Variants in IDH2 observed in about 807,000 individuals in gnomAD.
IDH2 encodes the protein isocitrate dehydrogenase (NADP(+)) 2, also known as isocitrate dehydrogenase [NADP], mitochondrial.
In IDH2, 18 loss-of-function variants were observed where a neutral mutation model predicts 50.5. The ratio of observed to expected loss-of-function variants is 0.36; its 90% confidence interval spans 0.25 to 0.53. IDH2 has a LOEUF of 0.53. Among genes scored for constraint, IDH2 ranks in the 20% least tolerant of loss-of-function variants. The pLI is 0.92. For synonymous variants in IDH2, 280 were observed against 239.8 expected (o/e 1.17, Z -1.55); for missense variants, 518 against 610.7 (o/e 0.85, Z 1.60).
chr15:90,101,818 G>A (rs1235885619), intron 1 of IDH2, among the ~76,000 whole-genome samples: 1 of 151,696 alleles, frequency 6.6e-6, no homozygotes. Context: ...GGAAGTGCAT[G>A]TCTCCCGCCT....
In IDH2 at chr15:90,098,497, A is replaced by G. The variant is rs1219777770; in HGVS notation, c.115+3779T>C. ...CAAGAAGGCAGGACAGCAACTTTGTATATTTTATGTATGTATGTATGTATG... is the reference window on the plus strand; with the variant it reads ...CAAGAAGGCAGGACAGCAACTTTGTGTATTTTATGTATGTATGTATGTATG... On this transcript the variant is annotated intron_variant, in intron 1 of 10. Transcript: ENST00000330062. This position sits in a 1 kb window ranked among gnomAD's most constrained non-coding sequence, Gnocchi z 5.1. 3.4e-5 allele frequency among the ~76,000 whole-genome samples: 2 copies of G among 58,250 alleles called. No homozygotes were observed. The highest frequency in any genetic ancestry group is 8.6e-5 in the African/African-American group (2 of 23,160). 38.2% of individuals were successfully genotyped at this position (58,250 alleles called of 152,430 possible). A position where few individuals can be genotyped will look rare whatever the true frequency, so the allele number is the denominator to read the frequency against.
Position 90,084,759 on chromosome 15 carries a change from TC to T in IDH2, c.1271+56del, listed in dbSNP as rs1900811529. The T allele has an allele frequency of 1.4e-6, 2 of 1,394,482 alleles. No individual in the cohort carries two copies. The highest frequency in any genetic ancestry group is 1.7e-5 in the Admixed American group (1 of 59,756). The allele number at this position is 1,394,482 out of a possible 1,614,324, so 86.4% of individuals were successfully genotyped here. A position where few individuals can be genotyped will look rare whatever the true frequency, so the allele number is the denominator to read the frequency against. On this transcript the variant is annotated intron_variant, in intron 10 of 10. Transcript: ENST00000330062. The surrounding 1 kb of genome is among the most constrained non-coding windows in gnomAD (Gnocchi z 5.0). ...CTCATGAGGGGGACTTTAGGAGGGG[TC>T]CCCTGGCTTCCTCCCACATGGCCCC... is the stretch of plus-strand genomic sequence containing the variant.
At chr15:90,102,194 G>A (rs937777314) in intron 1 of IDH2, 82 bp downstream of exon 1, 4 of 538,538 alleles carry the variant, frequency 7.4e-6, no homozygotes, top group Non-Finnish European at 1.1e-5. Context: ...CTGGCGGGAC[G>A]TGCTTCCCGG....
chr15:90,101,516 G>A (rs1901330329), intron 1 of IDH2, among the ~76,000 whole-genome samples: 1 of 152,090 alleles, frequency 6.6e-6, no homozygotes, highest in South Asian at 2.1e-4. Flanking sequence ...GGAACTAAGG[G>A]TACCCAGAAG....
Position 90,087,471 on chromosome 15 carries a change from AC to A in IDH2, c.782del (p.Arg261LeufsTer69). 6.2e-7 allele frequency: 1 copy of A among 1,614,108 alleles called. No homozygotes were observed. Among genetic ancestry groups the A allele is most frequent in the Non-Finnish European group, 8.5e-7 (1 of 1,180,032 alleles). On this transcript the variant is annotated frameshift_variant, in exon 6 of 11. Coordinates refer to ENST00000330062, the MANE Select transcript of IDH2 (RefSeq NM_002168.4). LOFTEE classifies it high-confidence loss of function. Reference protein sequence around the residue: ...KNTILKAYDGRFKDIFQEIFD... With the variant: ...KNTILKAYDGXFKDIFQEIFD... ...AGATCTCCTGGAAGATGTCCTTGAA[AC>A]GCCCATCGTAGGCTTTCAGTATGGT...
In IDH2 at chr15:90,099,126, C is replaced by T. The variant is rs539987380; in HGVS notation, c.115+3150G>A. Among the ~76,000 whole-genome samples, 3 of 152,312 alleles carry T rather than the reference C, an allele frequency of 2.0e-5. No homozygotes were observed. The East Asian group carries it at 5.8e-4, about 29-fold the overall frequency. On this transcript the variant is annotated intron_variant, in intron 1 of 10. Coordinates refer to ENST00000330062, the MANE Select transcript of IDH2 (RefSeq NM_002168.4). ...ATCCTCTCTTGCCAGGTCCCTGAAG[C>T]TAGAATGCTCCCGATAAGATGGAAA... is the stretch of plus-strand genomic sequence containing the variant.
Position 90,102,308 on chromosome 15 carries a change from G to T in IDH2, c.83C>A (p.Ala28Asp). The change falls in exon 1 of 11, where the codon GCC (alanine) becomes GAC (aspartate). Residue 28 changes from alanine to aspartate, a missense_variant. Physicochemically the swap from Ala to Asp is moderately radical, Grantham distance 126 (BLOSUM62 -2). Transcript: ENST00000330062. Reference protein sequence around the residue: ...RPAWAPAALTAPTSQEQPRRH... With the variant: ...RPAWAPAALTDPTSQEQPRRH... Reference sequence around the variant, plus strand: ...CCGCGGCTGCTCTTGCGAGGTGGGGGCTGTCAGGGCCGCCGGCGCCCAGGC... The same window carrying T: ...CCGCGGCTGCTCTTGCGAGGTGGGGTCTGTCAGGGCCGCCGGCGCCCAGGC... 2 of 1,354,726 alleles carry T rather than the reference G, an allele frequency of 1.5e-6. No homozygotes were observed. The allele number at this position is 1,354,726 out of a possible 1,614,324, so 83.9% of individuals were successfully genotyped here.
At chr15:90,093,605 A>ATTTATTT (rs1555461852) in intron 1 of IDH2, among the ~76,000 whole-genome samples, 2 of 129,158 alleles carry the variant, frequency 1.5e-5, no homozygotes, top group Non-Finnish European at 1.8e-5. Context: ...TTATTTAATT[A>ATTTATTT]ATTAATTTAT....
chr15:90,096,623 AAAG>A (rs1372809840), intron 1 of IDH2, among the ~76,000 whole-genome samples: 3 of 152,162 alleles, frequency 2.0e-5, no homozygotes, highest in Non-Finnish European at 4.4e-5. Flanking sequence ...GCTAAAAGGA[AAAG>A]AATTACTGCC....
At chr15:90,093,966 C>G (rs1901116491) in intron 1 of IDH2, among the ~76,000 whole-genome samples, 1 of 152,166 alleles carries the variant, frequency 6.6e-6, no homozygotes, top group Non-Finnish European at 1.5e-5. Flanking sequence ...GAGAGGTTAA[C>G]AGCTTACTGC....
rs1901363840 is a variant in IDH2, at chr15:90,102,444, C to T, written c.-54G>A. The T allele has an allele frequency of 1.9e-6, 2 of 1,036,088 alleles. No homozygotes were observed. The highest frequency in any genetic ancestry group is 1.7e-5 in the African/African-American group (1 of 59,794). 64.2% of individuals were successfully genotyped at this position (1,036,088 alleles called of 1,614,324 possible). On this transcript the variant is annotated 5_prime_UTR_variant, in exon 1 of 11. Transcript: ENST00000330062. ...GGGAGAGGTCCGAGCGCGCGCCGCT[C>T]CTCCCGGCTGCCTGGCCGCGGGCTA...
At chr15:90,096,750 T>TA (rs1901191917) in intron 1 of IDH2, among the ~76,000 whole-genome samples, 1 of 151,824 alleles carries the variant, frequency 6.6e-6, no homozygotes, top group African/African-American at 2.4e-5. Context: ...CTGACTCTAC[T>TA]AAAAATACAA....
intron 3 of IDH2, among the ~76,000 whole-genome samples, chr15:90,089,598 G>C (rs1900978098): frequency 6.6e-6 from 1 of 152,230 alleles, no homozygotes; most frequent in Non-Finnish European, 1.5e-5. Flanking sequence ...AATGATCCCA[G>C]TGCTGTGGGT....
intron 1 of IDH2, among the ~76,000 whole-genome samples, chr15:90,096,313 A>C (rs1267625222): frequency 7.2e-5 from 11 of 152,144 alleles, no homozygotes; most frequent in Non-Finnish European, 1.5e-5. Flanking sequence ...AAATAAATAA[A>C]TATAATGGAC....
Position 90,090,492 on chromosome 15 carries a change from C to T in IDH2, c.360G>A (p.Glu120=), listed in dbSNP as rs536071174. 193 of 1,613,690 alleles carry T rather than the reference C, an allele frequency of 1.2e-4. 1 individual carries two copies. In the Middle Eastern group the frequency reaches 3.0e-3, roughly 25 times the overall value. Residue 120 remains glutamate (E), a synonymous_variant, in exon 3 of 11, where the codon GAG becomes GAA. Transcript: ENST00000330062. ...ACACCCTCGCACCTTCCACACGGGC[C>T]TCATCAGGGGTGATGGTGGCACACT... is the stretch of plus-strand genomic sequence containing the variant. The part of the protein sequence containing the change: ...AVKCATITPD[E]ARVEEFKLKK...
At chr15:90,087,612 T>C (rs779006310) in intron 5 of IDH2, 37 bp from the exon 6 acceptor site, 2 of 1,611,798 alleles carry the variant, frequency 1.2e-6, no homozygotes, top group South Asian at 1.1e-5. Context: ...CGTGGTGCCC[T>C]AGCCTGGCGA....
chr15:90,090,299 G>A (rs1900998367), intron 3 of IDH2, among the ~76,000 whole-genome samples, 180 bp downstream of exon 3: 1 of 152,180 alleles, frequency 6.6e-6, no homozygotes, highest in South Asian at 2.1e-4. Flanking sequence ...TGTCCACCAG[G>A]CACACACAGG....
At chr15:90,094,829 G>C (rs918817739) in intron 1 of IDH2, among the ~76,000 whole-genome samples, 2 of 152,144 alleles carry the variant, frequency 1.3e-5, no homozygotes, top group African/African-American at 4.8e-5. Context: ...TTGAACCCGG[G>C]AGGTGGAGGT....
Position 90,083,926 on chromosome 15 carries a change from C to T in IDH2, c.*340G>A, listed in dbSNP as rs1046320242. ...GAACCTGCCAGCTCTAGCAGGGCCT[C>T]TGCCTCAGGGTCCCACTACCTCCTC... On this transcript the variant is annotated 3_prime_UTR_variant, in exon 11 of 11. Coordinates refer to ENST00000330062, the MANE Select transcript of IDH2 (RefSeq NM_002168.4). The T allele has an allele frequency of 1.9e-5, 8 of 429,310 alleles. No homozygotes were observed. Among genetic ancestry groups the T allele is most frequent in the African/African-American group, 1.4e-4 (7 of 50,660 alleles). 26.6% of individuals were successfully genotyped at this position (429,310 alleles called of 1,614,324 possible). A position where few individuals can be genotyped will look rare whatever the true frequency, so the allele number is the denominator to read the frequency against.
Sources: allele counts gnomAD v4.1 joint callset (sites outside exome capture counted in the v4.1 genomes callset), GRCh38; gene constraint gnomAD v4.1.1; non-coding constraint Gnocchi (gnomAD v3.1); transcripts MANE v1.5; gene names NCBI Gene and HGNC (gene_info 2026-07-23, HGNC 2026-07-21).